Variants in PRKAR1B observed in about 807,000 individuals in gnomAD.
The protein encoded by PRKAR1B is cAMP-dependent protein kinase type I-beta regulatory subunit.
Under a neutral mutation model 46.5 loss-of-function variants are expected in PRKAR1B, and 22 were observed. The observed-to-expected ratio is 0.47, with a 90% CI of 0.34 to 0.68. The LOEUF (loss-of-function observed/expected upper bound fraction) is 0.68. Among genes scored for constraint, PRKAR1B ranks in the 30% least tolerant of loss-of-function variants. PRKAR1B has a pLI of 0.01. For synonymous variants in PRKAR1B, 259 were observed against 217.7 expected (o/e 1.19, Z -1.67); for missense variants, 445 against 535.6 (o/e 0.83, Z 1.67).
chr7:685,877 G>GT (rs1245993022), intron 2 of PRKAR1B, among the ~76,000 whole-genome samples: 1 of 152,146 alleles, frequency 6.6e-6, no homozygotes, highest in Admixed American at 6.5e-5. Flanking sequence ...CATAATTCTA[G>GT]TTTTTTAAAA....
intron 8 of PRKAR1B, among the ~76,000 whole-genome samples, chr7:583,565 C>A (rs1231131110): frequency 1.0e-4 from 6 of 57,506 alleles, no homozygotes; most frequent in African/African-American, 2.4e-4. Context: ...TGCGTGCACA[C>A]CCATGCACAC....
chr7:633,056 T>C (rs1037598071), intron 4 of PRKAR1B, among the ~76,000 whole-genome samples: 3 of 152,318 alleles, frequency 2.0e-5, no homozygotes, highest in Admixed American at 2.0e-4. Flanking sequence ...GCCGACGCCA[T>C]GCGTGTGAAT....
At chr7:621,568 T>G (rs1341531806) in intron 4 of PRKAR1B, among the ~76,000 whole-genome samples, 1 of 152,230 alleles carries the variant, frequency 6.6e-6, no homozygotes, top group African/African-American at 2.4e-5. Flanking sequence ...TTCCACTTAA[T>G]TCCTGAACCC....
intron 1 of PRKAR1B, among the ~76,000 whole-genome samples, chr7:719,461 G>T (rs1467654630): frequency 6.6e-6 from 1 of 152,178 alleles, no homozygotes; most frequent in African/African-American, 2.4e-5. Flanking sequence ...CTACAGGTGT[G>T]AGTCACTGCA....
chr7:599,256 C>T (rs1301959882), intron 6 of PRKAR1B, among the ~76,000 whole-genome samples: 3 of 151,996 alleles, frequency 2.0e-5, no homozygotes, highest in African/African-American at 4.8e-5. Flanking sequence ...CCAGCTGGTA[C>T]GCAAAGGGGC....
intron 8 of PRKAR1B, among the ~76,000 whole-genome samples, chr7:582,224 G>A (rs1029113425): frequency 1.6e-4 from 24 of 152,386 alleles, no homozygotes; most frequent in African/African-American, 4.8e-4. Flanking sequence ...TCCCATGTGG[G>A]CCATGCTGAT....
intron 4 of PRKAR1B, among the ~76,000 whole-genome samples, chr7:618,541 T>C (rs1291444458): frequency 6.6e-6 from 1 of 152,218 alleles, no homozygotes; most frequent in South Asian, 2.1e-4. Context: ...TGCTGTTTCT[T>C]CTTTTTCTTC....
At chr7:641,281 A>C (rs1784373372) in intron 4 of PRKAR1B, among the ~76,000 whole-genome samples, 1 of 152,186 alleles carries the variant, frequency 6.6e-6, no homozygotes, top group Non-Finnish European at 1.5e-5. Context: ...AGGCCGGGAA[A>C]AGACCCAGCA....
At chr7:651,378 G>A (rs1056437587) in intron 4 of PRKAR1B, among the ~76,000 whole-genome samples, 22 of 152,226 alleles carry the variant, frequency 1.4e-4, no homozygotes, top group East Asian at 1.9e-4. Flanking sequence ...AAAGGACCCC[G>A]AAACACATGA....
chr7:574,745 G>A (rs1305851878), intron 9 of PRKAR1B, among the ~76,000 whole-genome samples: 33 of 152,200 alleles, frequency 2.2e-4, no homozygotes, highest in Admixed American at 2.1e-3. Flanking sequence ...CGCCTGGCCA[G>A]CGACCCAGAT....
At chr7:712,740 C>CT (rs1398835453) in intron 1 of PRKAR1B, 2 of 144,104 alleles carry the variant, frequency 1.4e-5, no homozygotes, top group Non-Finnish European at 3.1e-5. Context: ...CACTCAGACT[C>CT]TGAGTCGCCC....
Position 550,499 on chromosome 7 carries a change from C to A in PRKAR1B, c.1077G>T (p.Leu359=). The change falls in exon 11 of 11, where the codon CTG becomes CTT. Residue 359 remains leucine (L), a synonymous_variant. Coordinates refer to ENST00000537384, the MANE Select transcript of PRKAR1B (RefSeq NM_001164760.2). ...KLDRPRFERV[L]GPCSEILKRN... ...TCTTGAGGATCTCAGAGCAGGGCCC[C>A]AGCACACGCTCGAAGCGGGGCCGGT... 4.4e-6 allele frequency: 7 copies of A among 1,601,042 alleles called. No homozygotes were observed. Among genetic ancestry groups the A allele is most frequent in the Non-Finnish European group, 6.0e-6 (7 of 1,174,438 alleles).
chr7:566,065 G>A (rs141637728), intron 9 of PRKAR1B, among the ~76,000 whole-genome samples: 1 of 151,734 alleles, frequency 6.6e-6, no homozygotes, highest in Non-Finnish European at 1.5e-5. Context: ...AGACTCGTAA[G>A]GATTAAATGA....
intron 2 of PRKAR1B, among the ~76,000 whole-genome samples, chr7:689,312 G>A (rs1562618703): frequency 2.6e-5 from 4 of 151,816 alleles, no homozygotes; most frequent in Admixed American, 6.6e-5. Flanking sequence ...TAGTAGAGAC[G>A]GGGCTTCATC....
At chr7:679,860 T>G (rs1007304618) in intron 3 of PRKAR1B, among the ~76,000 whole-genome samples, 2 of 151,944 alleles carry the variant, frequency 1.3e-5, no homozygotes, top group Admixed American at 6.6e-5. Context: ...TGTGCCTGTA[T>G]AAGAAGAGAC....
intron 1 of PRKAR1B, among the ~76,000 whole-genome samples, chr7:712,141 G>A (rs1451559357): frequency 1.3e-5 from 2 of 151,292 alleles, no homozygotes; most frequent in Non-Finnish European, 1.5e-5. Flanking sequence ...GCACCGCACC[G>A]CGGGGCGCAG....
chr7:613,622 G>T (rs974391322), intron 4 of PRKAR1B, among the ~76,000 whole-genome samples: 1 of 152,176 alleles, frequency 6.6e-6, no homozygotes, highest in Non-Finnish European at 1.5e-5. Flanking sequence ...CCATCGTTCC[G>T]CACTGTGAAT....
In PRKAR1B at chr7:602,115, C is replaced by T. The variant is rs1781648747; in HGVS notation, c.549+4078G>A. The stretch of plus-strand genomic sequence containing the variant: ...TGTCTGAGAGAAAACCGTCTCCCCT[C>T]CACTCAGGCTTCAGCCCCGACCCCA... On this transcript the variant is annotated intron_variant, in intron 6 of 10. Coordinates refer to ENST00000537384, the MANE Select transcript of PRKAR1B (RefSeq NM_001164760.2). This position sits in a 1 kb window ranked among gnomAD's most constrained non-coding sequence, Gnocchi z 6.4. 6.6e-6 allele frequency among the ~76,000 whole-genome samples: 1 copy of T among 152,130 alleles called. No homozygotes were observed. Among genetic ancestry groups the T allele is most frequent in the African/African-American group, 2.4e-5 (1 of 41,416 alleles).
At chr7:561,384 T>C (rs1041417299) in intron 9 of PRKAR1B, among the ~76,000 whole-genome samples, 2 of 152,230 alleles carry the variant, frequency 1.3e-5, no homozygotes, top group Admixed American at 6.5e-5. Context: ...GATGCATTTT[T>C]ATGTTTTTTT....
Sources: allele counts gnomAD v4.1 joint callset (sites outside exome capture counted in the v4.1 genomes callset), GRCh38; gene constraint gnomAD v4.1.1; non-coding constraint Gnocchi (gnomAD v3.1); transcripts MANE v1.5; gene names NCBI Gene and HGNC (gene_info 2026-07-23, HGNC 2026-07-21).